The following UBE2E2 variants were observed in gnomAD, a reference collection of about 807,000 sequenced individuals.
UBE2E2 encodes ubiquitin-conjugating enzyme E2 E2.
In UBE2E2, 6 loss-of-function variants were observed where a neutral mutation model predicts 24.7. The observed-to-expected ratio is 0.24, with a 90% CI of 0.13 to 0.48. The LOEUF (loss-of-function observed/expected upper bound fraction) is 0.48, where lower values mean the gene tolerates loss of function less well. UBE2E2 is among the 20% of genes least tolerant of loss of function. The pLI, the probability that UBE2E2 is intolerant of heterozygous loss-of-function variation, is 0.99. For synonymous variants in UBE2E2, 104 were observed against 83.6 expected, an observed-to-expected ratio of 1.24 and a Z score of -1.33; for missense variants, 169 against 245.0, an observed-to-expected ratio of 0.69 and a Z score of 2.07.
intron 5 of UBE2E2, among the ~76,000 whole-genome samples, chr3:23,566,337 G>C (rs1696071805): frequency 6.6e-6 from 1 of 152,192 alleles, no homozygotes; most frequent in South Asian, 2.1e-4. Flanking sequence ...CTCATGGGGA[G>C]TAATGGTGAT....
intron 3 of UBE2E2, among the ~76,000 whole-genome samples, chr3:23,477,573 T>C (rs1056964990): frequency 5.3e-5 from 8 of 152,238 alleles, no homozygotes; most frequent in African/African-American, 1.9e-4. Context: ...AGTGCCAACA[T>C]ATAGAGGGAT....
chr3:23,451,952 A>G (rs760500245), intron 3 of UBE2E2, among the ~76,000 whole-genome samples: 24 of 152,312 alleles, frequency 1.6e-4, no homozygotes, highest in East Asian at 7.7e-4. Context: ...GGGTTGTTTT[A>G]CCATCAACCT....
intron 3 of UBE2E2, among the ~76,000 whole-genome samples, chr3:23,455,604 T>C (rs190389591): frequency 1.1e-4 from 17 of 152,160 alleles, no homozygotes; most frequent in African/African-American, 4.1e-4. Flanking sequence ...AGGCGGAGGA[T>C]CACTTGAGCC....
chr3:23,359,434 C>G (rs1379100332), intron 3 of UBE2E2, among the ~76,000 whole-genome samples: 2 of 152,188 alleles, frequency 1.3e-5, no homozygotes, highest in African/African-American at 4.8e-5. Context: ...GTACAAATTT[C>G]TTTTCTAAAC....
intron 5 of UBE2E2, among the ~76,000 whole-genome samples, chr3:23,576,649 A>G (rs567389365): frequency 6.9e-4 from 105 of 152,240 alleles, no homozygotes; most frequent in Admixed American, 2.8e-3. Context: ...TACCTTATCT[A>G]CTTATATTCT....
rs1406506227 is a variant in UBE2E2 at position 23,407,483 on chromosome 3, T to G, written c.228-92125T>G. 1.3e-5 allele frequency among the ~76,000 whole-genome samples: 2 copies of G among 152,136 alleles called. No homozygotes were observed. Among genetic ancestry groups the G allele is most frequent in the Non-Finnish European group, 2.9e-5 (2 of 68,002 alleles). ...CTGAAAATGTTCAAACATACACAAA[T>G]GTAAAGAATTGATCCCCTGCTCCCG... On this transcript the variant is annotated intron_variant, in intron 3 of 5. Coordinates refer to ENST00000396703, the MANE Select transcript of UBE2E2 (RefSeq NM_152653.4). The surrounding 1 kb of genome is among the most constrained non-coding windows in gnomAD (Gnocchi z 4.0).
intron 3 of UBE2E2, among the ~76,000 whole-genome samples, chr3:23,344,126 T>C (rs571379304): frequency 7.9e-5 from 12 of 152,308 alleles, no homozygotes; most frequent in African/African-American, 2.6e-4. Context: ...TTTTCAGTCC[T>C]GATTTATCAG....
intron 3 of UBE2E2, among the ~76,000 whole-genome samples, chr3:23,399,178 T>C (rs1431600255): frequency 6.6e-6 from 1 of 152,244 alleles, no homozygotes; most frequent in Non-Finnish European, 1.5e-5. Context: ...AACCTCAGCG[T>C]AGGATTTTTC....
At chr3:23,209,969 C>T (rs556463248) in intron 2 of UBE2E2, among the ~76,000 whole-genome samples, 2 of 151,992 alleles carry the variant, frequency 1.3e-5, no homozygotes, top group Non-Finnish European at 2.9e-5. Context: ...TATACTAGAC[C>T]ATGCTAGGGT....
intron 5 of UBE2E2, among the ~76,000 whole-genome samples, chr3:23,561,894 C>G (rs940942921): frequency 2.0e-5 from 3 of 152,114 alleles, no homozygotes; most frequent in African/African-American, 7.2e-5. Flanking sequence ...TATAAGAATG[C>G]TTGTGATTTT....
intron 3 of UBE2E2, among the ~76,000 whole-genome samples, chr3:23,270,152 CTTTT>C (rs71051207): frequency 9.1e-4 from 92 of 100,694 alleles, no homozygotes; most frequent in South Asian, 2.3e-3. Context: ...CCCCCTCCTC[CTTTT>C]TTTTTTTTTT....
intron 3 of UBE2E2, among the ~76,000 whole-genome samples, chr3:23,420,679 A>G (rs935286790): frequency 6.6e-6 from 1 of 152,242 alleles, no homozygotes; most frequent in Admixed American, 6.5e-5. Context: ...AACCACTTGT[A>G]AAGAGGCAAG....
At chr3:23,399,686 T>C in intron 3 of UBE2E2, among the ~76,000 whole-genome samples, 1 of 152,206 alleles carries the variant, frequency 6.6e-6, no homozygotes, top group Non-Finnish European at 1.5e-5. Flanking sequence ...AGGACTACTA[T>C]AAAATGAAAT....
In UBE2E2 at chr3:23,542,161, C is replaced by T. The variant is rs1388806217; in HGVS notation, c.508+9460C>T. On this transcript the variant is annotated intron_variant, in intron 5 of 5. Transcript: ENST00000396703. The stretch of plus-strand genomic sequence containing the variant: ...TAGAGTGCCAGCCACCCGTGGTCAT[C>T]GTAGGAGGGTACATTTATCTGAGGG... 3.9e-5 allele frequency among the ~76,000 whole-genome samples: 6 copies of T among 152,040 alleles called. No individual in the cohort carries two copies. The East Asian group carries it at 1.2e-3, about 29-fold the overall frequency.
intron 1 of UBE2E2, among the ~76,000 whole-genome samples, chr3:23,207,657 C>T (rs190051606): frequency 2.6e-5 from 4 of 152,256 alleles, no homozygotes; most frequent in East Asian, 3.9e-4. Context: ...TTGAAAGTGT[C>T]GTCCCATTTT....
intron 3 of UBE2E2, among the ~76,000 whole-genome samples, chr3:23,421,715 T>A (rs552620339): frequency 1.3e-5 from 2 of 152,320 alleles, no homozygotes; most frequent in Non-Finnish European, 1.5e-5. Context: ...CTGGAGGCCA[T>A]TGTCTTAAGT....
At chr3:23,454,241 T>C (rs1698626785) in intron 3 of UBE2E2, among the ~76,000 whole-genome samples, 1 of 152,252 alleles carries the variant, frequency 6.6e-6, no homozygotes, top group Non-Finnish European at 1.5e-5. Context: ...AGTACTTAAA[T>C]GTAATAACTT....
chr3:23,446,208 A>C (rs920626888), intron 3 of UBE2E2, among the ~76,000 whole-genome samples: 5 of 152,180 alleles, frequency 3.3e-5, no homozygotes, highest in Admixed American at 6.5e-5. Context: ...CCAGGATCAA[A>C]GAAGGTCCAC....
chr3:23,258,828 G>C (rs568001734), intron 3 of UBE2E2, among the ~76,000 whole-genome samples: 1 of 144,326 alleles, frequency 6.9e-6, no homozygotes, highest in Admixed American at 7.1e-5. Flanking sequence ...GGGAGGCGGA[G>C]CTTGCATTGA....
Sources: allele counts gnomAD v4.1 joint callset (sites outside exome capture counted in the v4.1 genomes callset), GRCh38; gene constraint gnomAD v4.1.1; non-coding constraint Gnocchi (gnomAD v3.1); transcripts MANE v1.5; gene names NCBI Gene and HGNC (gene_info 2026-07-23, HGNC 2026-07-21).